Variants in PRKN observed in about 807,000 individuals in gnomAD.
PRKN encodes parkin RBR E3 ubiquitin protein ligase, also known as E3 ubiquitin-protein ligase parkin.
A neutral mutation model predicts 59.5 loss-of-function variants in PRKN; 56 were observed. That is an observed-to-expected ratio of 0.94 (90% confidence interval 0.76 to 1.18). The LOEUF (loss-of-function observed/expected upper bound fraction) is 1.18, where lower values mean the gene tolerates loss of function less well. PRKN is among the 50% of genes most tolerant of loss of function. PRKN has a pLI of 0.00. For synonymous variants in PRKN, 250 were observed against 222.1 expected, an observed-to-expected ratio of 1.13 and a Z score of -1.12; for missense variants, 657 against 596.4, an observed-to-expected ratio of 1.10 and a Z score of -1.06.
At chr6:161,851,304 C>T (rs1793424053) in intron 6 of PRKN, among the ~76,000 whole-genome samples, 1 of 152,096 alleles carries the variant, frequency 6.6e-6, no homozygotes, top group African/African-American at 2.4e-5. Flanking sequence ...CAGATGCAGG[C>T]CCCATGATCT....
intron 7 of PRKN, among the ~76,000 whole-genome samples, chr6:161,580,116 C>A (rs550114388): frequency 6.6e-6 from 1 of 152,146 alleles, no homozygotes; most frequent in South Asian, 2.1e-4. Flanking sequence ...TTCTATGATG[C>A]GGGAAAACCC....
intron 1 of PRKN, among the ~76,000 whole-genome samples, chr6:162,709,438 G>C (rs1259270100): frequency 1.3e-5 from 2 of 151,448 alleles, no homozygotes; most frequent in Non-Finnish European, 2.9e-5. Flanking sequence ...TGAGAGATGA[G>C]GCAACCTCTC....
intron 4 of PRKN, among the ~76,000 whole-genome samples, chr6:162,066,165 G>A (rs1778328324): frequency 6.6e-6 from 1 of 152,086 alleles, no homozygotes; most frequent in Non-Finnish European, 1.5e-5. Context: ...CACAATGGTT[G>A]AACTAATTTA....
At chr6:161,946,386 T>TCACACACACACACACACACACA (rs368190954) in intron 6 of PRKN, among the ~76,000 whole-genome samples, 9 of 113,432 alleles carry the variant, frequency 7.9e-5, no homozygotes, top group Non-Finnish European at 1.0e-4. Flanking sequence ...TGCATGCACA[T>TCACACACACACACACACACACA]CACACACACA....
At chr6:162,674,952 A>G (rs1779478174) in intron 1 of PRKN, among the ~76,000 whole-genome samples, 1 of 152,218 alleles carries the variant, frequency 6.6e-6, no homozygotes, top group South Asian at 2.1e-4. Flanking sequence ...TTATATGGCT[A>G]GGGCAGTGAC....
intron 4 of PRKN, among the ~76,000 whole-genome samples, chr6:162,070,197 C>G (rs955076909): frequency 1.3e-5 from 2 of 152,210 alleles, no homozygotes; most frequent in African/African-American, 4.8e-5. Context: ...CAAGTATTCA[C>G]TGGGTTCTCA....
chr6:162,662,685 T>C (rs1778935551), intron 1 of PRKN, among the ~76,000 whole-genome samples: 1 of 152,170 alleles, frequency 6.6e-6, no homozygotes. Context: ...AGGGTGTCCT[T>C]TCTCCAATGT....
At chr6:162,159,912 CT>C (rs1190626112) in intron 4 of PRKN, among the ~76,000 whole-genome samples, 1 of 152,130 alleles carries the variant, frequency 6.6e-6, no homozygotes, top group Non-Finnish European at 1.5e-5. Context: ...TGGCTTGTAC[CT>C]TGTAACATTT....
intron 1 of PRKN, among the ~76,000 whole-genome samples, chr6:162,668,801 G>A (rs1290610186): frequency 1.3e-5 from 2 of 152,140 alleles, no homozygotes; most frequent in Non-Finnish European, 2.9e-5. Flanking sequence ...ACATAAAGTA[G>A]GAACAGGAAG....
chr6:162,323,978 G>T (rs540192672), intron 2 of PRKN, among the ~76,000 whole-genome samples: 6 of 152,126 alleles, frequency 3.9e-5, no homozygotes, highest in Non-Finnish European at 5.9e-5. Context: ...AGCCAAAAAT[G>T]TGATAAAAAC....
At position 162,180,004 on chromosome 6, in the gene PRKN, GTGTA is replaced by G. The variant is rs1225532546; in HGVS notation, c.534+21123_534+21126del. ...TGTGTGTGTGTGTGTGTGTGTGTGT[GTGTA>G]TGTGTGTAGCAAAGTCTACATCCTA... is the stretch of plus-strand genomic sequence containing the variant. On this transcript the variant is annotated intron_variant, in intron 4 of 11. Coordinates refer to ENST00000366898, the MANE Select transcript of PRKN (RefSeq NM_004562.3). 3.5e-3 allele frequency among the ~76,000 whole-genome samples: 512 copies of G among 145,438 alleles called. 6 individuals carry two copies. Among genetic ancestry groups the G allele is most frequent in the African/African-American group, 4.4e-3 (172 of 38,700 alleles).
At chr6:162,177,865 C>T (rs1289538908) in intron 4 of PRKN, among the ~76,000 whole-genome samples, 3 of 152,180 alleles carry the variant, frequency 2.0e-5, no homozygotes, top group East Asian at 1.9e-4. Context: ...CAACTCACTC[C>T]GCAGCACAGG....
chr6:162,028,252 A>G (rs1783510190), intron 5 of PRKN, among the ~76,000 whole-genome samples: 1 of 152,220 alleles, frequency 6.6e-6, no homozygotes, highest in African/African-American at 2.4e-5. Context: ...GCTGCCATTT[A>G]AACATTGCCA....
chr6:162,167,442 T>C (rs1057219881), intron 4 of PRKN, among the ~76,000 whole-genome samples: 3 of 152,180 alleles, frequency 2.0e-5, no homozygotes, highest in African/African-American at 7.2e-5. Context: ...AGTGTGCTAT[T>C]GTTTTTATTA....
chr6:162,357,822 T>G (rs1784940390), intron 2 of PRKN, among the ~76,000 whole-genome samples: 1 of 152,214 alleles, frequency 6.6e-6, no homozygotes, highest in Admixed American at 6.6e-5. Context: ...GGCTATATAC[T>G]TTCTGGCTCT....
At chr6:162,653,196 T>A (rs1250971588) in intron 1 of PRKN, among the ~76,000 whole-genome samples, 1 of 152,198 alleles carries the variant, frequency 6.6e-6, no homozygotes, top group Non-Finnish European at 1.5e-5. Flanking sequence ...ACAAACAGTT[T>A]AATGAGACTG....
intron 4 of PRKN, among the ~76,000 whole-genome samples, chr6:162,057,633 A>G (rs533794739): frequency 6.6e-6 from 1 of 152,352 alleles, no homozygotes; most frequent in South Asian, 2.1e-4. Context: ...GTCTGCTACA[A>G]TGAATACACT....
intron 9 of PRKN, among the ~76,000 whole-genome samples, chr6:161,515,782 T>G (rs1778565177): frequency 6.6e-6 from 1 of 152,196 alleles, no homozygotes; most frequent in South Asian, 2.1e-4. Flanking sequence ...TCAAGGTTCT[T>G]CTTATGGGAT....
intron 10 of PRKN, among the ~76,000 whole-genome samples, chr6:161,383,866 A>T (rs1334082332): frequency 2.0e-5 from 3 of 152,220 alleles, no homozygotes; most frequent in African/African-American, 7.2e-5. Context: ...AAAACATGGC[A>T]GCAAAGACCC....
Sources: allele counts gnomAD v4.1 joint callset (sites outside exome capture counted in the v4.1 genomes callset), GRCh38; gene constraint gnomAD v4.1.1; transcripts MANE v1.5; gene names NCBI Gene and HGNC (gene_info 2026-07-23, HGNC 2026-07-21).